TJP1: variants seen among roughly 807,000 people sequenced by gnomAD.
TJP1 encodes the protein tight junction protein 1.
A neutral mutation model predicts 194.2 loss-of-function variants in TJP1; 43 were observed. The observed-to-expected ratio is 0.22, with a 90% CI of 0.17 to 0.29. The LOEUF (loss-of-function observed/expected upper bound fraction) is 0.29. Ranked by LOEUF, TJP1 falls within the 10% of genes least tolerant of loss-of-function variation. The probability of loss-of-function intolerance (pLI) is 1.00; values close to 1 mark genes in which losing one functional copy is unlikely to be tolerated. For synonymous variants in TJP1, 801 were observed against 779.0 expected (o/e 1.03, Z -0.47); for missense variants, 1,971 against 2,185.7 (o/e 0.90, Z 1.96).
chr15:29,733,321 G>A lies in TJP1; in HGVS notation c.1517-8C>T. 6.3e-7 allele frequency: 1 copy of A among 1,575,054 alleles called. No homozygotes were observed. Among genetic ancestry groups the A allele is most frequent in the Non-Finnish European group, 8.7e-7 (1 of 1,148,890 alleles). ...CTACAATGCGACGATAAACTAAAAG[G>A]AATAAAAACAAACACATTATCAATA... On this transcript the variant is annotated splice_region_variant and splice_polypyrimidine_tract_variant and intron_variant, in intron 12 of 27. Transcript: ENST00000614355.
exon 2 of TJP1, chr15:29,956,262 G>T: frequency 7.8e-7 from 1 of 1,288,552 alleles, no homozygotes; most frequent in Non-Finnish European, 1.0e-6. Flanking sequence ...TGCTATCAAG[G>T]CTTTTGCTTC....
chr15:29,945,754 C>T (rs2055254581), intron 2 of TJP1, among the ~76,000 whole-genome samples: 1 of 150,656 alleles, frequency 6.6e-6, no homozygotes, highest in Non-Finnish European at 1.5e-5. Flanking sequence ...ATAGGAGTAC[C>T]AGTGAGAACT....
At chr15:29,826,470 C>T (rs2050679652), upstream of TJP1, among the ~76,000 whole-genome samples, 1 of 152,146 alleles carries the variant, frequency 6.6e-6, no homozygotes, top group South Asian at 2.1e-4. Flanking sequence ...CTCCCCAGCC[C>T]AGGCAAAACA....
chr15:29,745,738 G>A (rs45500297), intron 8 of TJP1, among the ~76,000 whole-genome samples: 2 of 152,148 alleles, frequency 1.3e-5, no homozygotes, highest in Admixed American at 1.3e-4. Context: ...TGTTTTCGCA[G>A]GCAAATACCT....
chr15:29,822,252 C>A lies in TJP1; in HGVS notation c.-224G>T, dbSNP rs1410277578. 1.7e-6 allele frequency: 2 copies of A among 1,168,286 alleles called. No homozygotes were observed. Among genetic ancestry groups the A allele is most frequent in the African/African-American group, 3.2e-5 (2 of 62,278 alleles). 72.4% of individuals were successfully genotyped at this position (1,168,286 alleles called of 1,614,324 possible). ...GTCTTCTCCACGGGGCGCGCCCGACCGGCACCTCCCTCCGAGCGCGGCCAC... is the reference window on the plus strand; with the variant it reads ...GTCTTCTCCACGGGGCGCGCCCGACAGGCACCTCCCTCCGAGCGCGGCCAC... On this transcript the variant is annotated 5_prime_UTR_variant, in exon 1 of 28. Transcript: ENST00000614355.
intron 18 of TJP1, among the ~76,000 whole-genome samples, chr15:29,723,409 T>C (rs888082366): frequency 6.6e-6 from 1 of 152,212 alleles, no homozygotes; most frequent in Non-Finnish European, 1.5e-5. Flanking sequence ...CTCTTCCTCC[T>C]GCTCCAACCA....
intron 2 of TJP1, among the ~76,000 whole-genome samples, chr15:29,891,159 T>C (rs1238837956): frequency 2.0e-5 from 3 of 151,886 alleles, no homozygotes; most frequent in Non-Finnish European, 4.4e-5. Context: ...CTGCAGTCCC[T>C]TATGAATGGA....
At chr15:29,758,316 A>G (rs1232779209) in intron 8 of TJP1, among the ~76,000 whole-genome samples, 1 of 152,090 alleles carries the variant, frequency 6.6e-6, no homozygotes, top group Non-Finnish European at 1.5e-5. Context: ...GCTGAAAGCA[A>G]GCCCCAGAAG....
intron 1 of TJP1, among the ~76,000 whole-genome samples, chr15:29,966,827 G>A (rs2056349886): frequency 1.3e-5 from 2 of 152,140 alleles, no homozygotes; most frequent in South Asian, 4.2e-4. Context: ...TATGACTGCT[G>A]GTGCTGATAT....
In TJP1 at chr15:29,796,071, C is replaced by CA. The variant is rs1041041460; in HGVS notation, c.84+4574dup. Among the ~76,000 whole-genome samples, 634 of 145,008 alleles carry CA rather than the reference C, an allele frequency of 4.4e-3. 4 individuals carry two copies. Among genetic ancestry groups the CA allele is most frequent in the African/African-American group, 0.013 (533 of 39,684 alleles). ...CCTTAACCTGATAAAAGGCATCAACCAAAAAAAAAACCACTTACTGGTGAA... is the reference window on the plus strand; with the variant it reads ...CCTTAACCTGATAAAAGGCATCAACCAAAAAAAAAAACCACTTACTGGTGAA... On this transcript the variant is annotated intron_variant, in intron 2 of 27. Coordinates refer to ENST00000614355, the MANE Select transcript of TJP1 (RefSeq NM_001330239.4).
chr15:29,864,264 A>AAAAAG (rs2052218597), intron 2 of TJP1, among the ~76,000 whole-genome samples: 1 of 147,042 alleles, frequency 6.8e-6, no homozygotes, highest in African/African-American at 2.6e-5. Context: ...AAAAAAAAAA[A>AAAAAG]GCTGGGTGTG....
chr15:29,814,411 G>A (rs1262322478), intron 1 of TJP1, among the ~76,000 whole-genome samples: 1 of 152,130 alleles, frequency 6.6e-6, no homozygotes, highest in Non-Finnish European at 1.5e-5. Context: ...TTTAATATGT[G>A]TTAAGCTAAC....
intron 4 of TJP1, among the ~76,000 whole-genome samples, chr15:29,768,344 G>A (rs1211881203): frequency 6.6e-6 from 1 of 152,198 alleles, no homozygotes; most frequent in Non-Finnish European, 1.5e-5. Flanking sequence ...AATATTTTCT[G>A]TAAAGCATTC....
intron 2 of TJP1, among the ~76,000 whole-genome samples, chr15:29,901,371 C>T (rs1053696818): frequency 1.3e-5 from 2 of 152,218 alleles, no homozygotes; most frequent in Admixed American, 1.3e-4. Context: ...AGCAATATAA[C>T]ATTACCTTGT....
rs186237444 is a variant in TJP1 at position 29,708,588 on chromosome 15, G to A, written c.4821C>T (p.Ile1607=). The change falls in exon 25 of 28, where the codon ATC becomes ATT. Residue 1607 remains isoleucine, a synonymous_variant. Coordinates refer to ENST00000614355, the MANE Select transcript of TJP1 (RefSeq NM_001330239.4). ...CAGGAATAGCTTTAGGCACTGTGCT[G>A]ATATTATTTATTTGATATTTAGGCT... The part of the protein sequence containing the change: ...AEKPKYQINN[I]STVPKAIPVS... The A allele has an allele frequency of 4.3e-6, 7 of 1,613,428 alleles. No homozygotes were observed. The highest frequency in any genetic ancestry group is 1.6e-4 in the Middle Eastern group (1 of 6,062).
intron 1 of TJP1, chr15:29,967,959 G>A (rs963060070): frequency 1.8e-5 from 11 of 615,366 alleles, no homozygotes; most frequent in Non-Finnish European, 1.4e-5. Context: ...CAAGCCAGTG[G>A]CATACCTAGG....
At chr15:29,741,514 T>A (rs2044418103) in intron 9 of TJP1, 78 bp from the exon 10 acceptor site, 2 of 921,138 alleles carry the variant, frequency 2.2e-6, no homozygotes, top group Non-Finnish European at 3.5e-6. Flanking sequence ...CAATATATGA[T>A]TCATAAGTTC....
chr15:29,949,628 ACCTCCACCACCT>A (rs2055533800), intron 2 of TJP1, among the ~76,000 whole-genome samples: 2 of 113,122 alleles, frequency 1.8e-5, no homozygotes, highest in Non-Finnish European at 1.8e-5. Flanking sequence ...CACCACCTCC[ACCTCCACCACCT>A]CCACCACCAC....
At position 29,719,828 on chromosome 15, in the gene TJP1, T is replaced by G. The variant is rs2042817971; in HGVS notation, c.2952A>C (p.Ile984=). The G allele has an allele frequency of 6.2e-7, 1 of 1,614,170 alleles. No individual in the cohort carries two copies. Among genetic ancestry groups the G allele is most frequent in the Non-Finnish European group, 8.5e-7 (1 of 1,180,020 alleles). The stretch of plus-strand genomic sequence containing the variant: ...ATGATGGTTCTTGATCTCTTAGCAT[T>G]ATGTGAGCTGCCTCAGTACTTGGTG... ...LRTPSTEAAH[I]MLRDQEPSLS... is the part of the protein sequence containing the mutation. The change falls in exon 20 of 28, where the codon ATA becomes ATC. Residue 984 remains isoleucine, a synonymous_variant. Transcript: ENST00000614355.
Sources: gnomAD v4.1 joint callset for allele counts (sites outside exome capture counted in the v4.1 genomes callset) on GRCh38, gnomAD v4.1.1 for gene constraint, MANE v1.5 for transcripts, NCBI Gene and HGNC (gene_info 2026-07-23, HGNC 2026-07-21) for gene names.